The following GIGYF2 variants were observed in gnomAD, a reference collection of about 807,000 sequenced individuals.
GIGYF2 encodes the protein GRB10-interacting GYF protein 2.
Under a neutral mutation model 208.1 loss-of-function variants are expected in GIGYF2, and 25 were observed. The ratio of observed to expected loss-of-function variants is 0.12; its 90% CI spans 0.09 to 0.17. The LOEUF is 0.17. Ranked by LOEUF, GIGYF2 falls within the 10% of genes least tolerant of loss-of-function variation. The pLI, the probability that GIGYF2 is intolerant of heterozygous loss-of-function variation, is 1.00. For missense variants in GIGYF2, 1,302 were observed against 1,579.4 expected, an observed-to-expected ratio of 0.82 and a Z score of 2.98; for synonymous variants, 534 against 543.8, an observed-to-expected ratio of 0.98 and a Z score of 0.25.
Position 232,787,283 on chromosome 2 carries a change from A to G in GIGYF2, c.666A>G (p.Leu222=). ...NGEDEDGGWR[L]AGSRRDGERW... is the part of the protein sequence containing the mutation. ...AAGATGAAGATGGAGGTTGGCGACT[A>G]GCTGGATCAAGGAGGGATGGAGAGA... The change falls in exon 9 of 29, where the codon CTA becomes CTG. Residue 222 remains leucine (L), a synonymous_variant. Transcript: ENST00000373563. 1.2e-6 allele frequency: 2 copies of G among 1,614,162 alleles called. No individual in the cohort carries two copies. The highest frequency in any genetic ancestry group is 1.7e-6 in the Non-Finnish European group (2 of 1,180,010).
Position 232,812,107 on chromosome 2 carries a change from C to A in GIGYF2, c.2007-284C>A, listed in dbSNP as rs190719056. On this transcript the variant is annotated intron_variant, in intron 17 of 28. Transcript: ENST00000373563. Reference sequence around the variant, plus strand: ...TTTTTAAGATACGGATATACAGTATCTTTAAGATATACATATCTTTTAAGA... The same window carrying A: ...TTTTTAAGATACGGATATACAGTATATTTAAGATATACATATCTTTTAAGA... Among the ~76,000 whole-genome samples, 39 of 152,234 alleles carry A rather than the reference C, an allele frequency of 2.6e-4. No homozygotes were observed. In the East Asian group the frequency reaches 6.4e-3, roughly 25 times the overall value.
At chr2:232,738,483 G>C (rs1458088100) in intron 3 of GIGYF2, among the ~76,000 whole-genome samples, 1 of 151,852 alleles carries the variant, frequency 6.6e-6, no homozygotes, top group Non-Finnish European at 1.5e-5. Context: ...TTTTCTTCAT[G>C]TTGTGTATCA....
intron 2 of GIGYF2, among the ~76,000 whole-genome samples, chr2:232,708,647 C>T (rs909674971): frequency 2.9e-5 from 4 of 137,964 alleles, no homozygotes; most frequent in Admixed American, 7.6e-5. Context: ...CCAGCCTGGG[C>T]AACATGGCAA....
chr2:232,700,972 G>T (rs1045215182), intron 1 of GIGYF2, among the ~76,000 whole-genome samples: 1 of 152,024 alleles, frequency 6.6e-6, no homozygotes, highest in African/African-American at 2.4e-5. Flanking sequence ...AGTTAGCATT[G>T]CAGTGTTTCT....
chr2:232,730,305 A>G (rs796963570), intron 2 of GIGYF2: 18 of 585,382 alleles, frequency 3.1e-5, no homozygotes, highest in African/African-American at 2.5e-4. Context: ...AGAGTTCTTC[A>G]GAAATCTTTA....
At chr2:232,743,574 C>T (rs370411920) in intron 3 of GIGYF2, among the ~76,000 whole-genome samples, 2 of 152,120 alleles carry the variant, frequency 1.3e-5, no homozygotes, top group Non-Finnish European at 2.9e-5. Flanking sequence ...CCTTCCACCC[C>T]CAAGTAGACC....
At chr2:232,846,865 T>C (rs978498928) in intron 26 of GIGYF2, among the ~76,000 whole-genome samples, 2 of 152,244 alleles carry the variant, frequency 1.3e-5, no homozygotes, top group African/African-American at 2.4e-5. Context: ...TTTAAACCCA[T>C]GTTTGTCTAA....
intron 14 of GIGYF2, among the ~76,000 whole-genome samples, chr2:232,799,272 G>A (rs1320784349): frequency 1.3e-5 from 2 of 151,964 alleles, no homozygotes; most frequent in African/African-American, 4.8e-5. Flanking sequence ...GGCCAGGTGT[G>A]GTGGTTCACG....
In GIGYF2 at chr2:232,856,866, TGCCAGTGGACTG is replaced by T. The variant is rs745342146; in HGVS notation, c.*11_*22del. On this transcript the variant is annotated 3_prime_UTR_variant, in exon 29 of 29. Transcript: ENST00000373563. Reference sequence around the variant, plus strand: ...AGACGTTGGATGACTACTGAGCACCTGCCAGTGGACTGGCCATCCCTCTCCTGTCTGCCGACT... The same window carrying T: ...AGACGTTGGATGACTACTGAGCACCTGCCATCCCTCTCCTGTCTGCCGACT... 8.2e-6 allele frequency: 13 copies of T among 1,593,586 alleles called. No homozygotes were observed. Among genetic ancestry groups the T allele is most frequent in the African/African-American group, 8.0e-5 (6 of 74,576 alleles).
intron 2 of GIGYF2, chr2:232,731,072 A>G (rs951818156): frequency 6.6e-6 from 1 of 152,152 alleles, no homozygotes; most frequent in Non-Finnish European, 1.5e-5. Context: ...TATAGGTGCA[A>G]TGATAAAGTG....
chr2:232,768,069 A>G (rs1699047566), intron 8 of GIGYF2: 1 of 934,166 alleles, frequency 1.1e-6, no homozygotes, highest in Non-Finnish European at 1.7e-6. Context: ...AGGCATAGGC[A>G]TGATTACCGT....
intron 6 of GIGYF2, 51 bp from the exon 7 acceptor site, chr2:232,760,429 T>C: frequency 8.9e-7 from 1 of 1,125,238 alleles, no homozygotes; most frequent in Non-Finnish European, 1.4e-6. Context: ...GGTGAATGTG[T>C]GCCACATGTT....
intron 3 of GIGYF2, among the ~76,000 whole-genome samples, chr2:232,746,346 T>C (rs928077311): frequency 6.6e-6 from 1 of 152,190 alleles, no homozygotes; most frequent in African/African-American, 2.4e-5. Flanking sequence ...ATATTTAATG[T>C]GTCATAATTT....
At chr2:232,830,695 G>A (rs909985771) in intron 21 of GIGYF2, among the ~76,000 whole-genome samples, 4 of 151,856 alleles carry the variant, frequency 2.6e-5, no homozygotes, top group Non-Finnish European at 5.9e-5. Context: ...TCAGAATATC[G>A]TATTAGCTGG....
intron 8 of GIGYF2, among the ~76,000 whole-genome samples, chr2:232,761,941 G>A (rs1698755740): frequency 6.7e-6 from 1 of 149,194 alleles, no homozygotes; most frequent in Admixed American, 6.7e-5. Context: ...ACATAATAAA[G>A]GAACAGGATT....
chr2:232,714,040 C>G (rs759983261), intron 2 of GIGYF2, among the ~76,000 whole-genome samples: 22 of 151,680 alleles, frequency 1.5e-4, no homozygotes, highest in Middle Eastern at 3.4e-3. Context: ...AGCTACGCTT[C>G]CCGGGTTCAT....
chr2:232,723,438 T>C (rs1574797236), intron 2 of GIGYF2, among the ~76,000 whole-genome samples: 3 of 149,874 alleles, frequency 2.0e-5, no homozygotes, highest in Admixed American at 2.0e-4. Flanking sequence ...TTTTCTTTTT[T>C]TTTTTTTTTT....
At chr2:232,826,444 C>T (rs543473338) in intron 21 of GIGYF2, among the ~76,000 whole-genome samples, 1 of 152,200 alleles carries the variant, frequency 6.6e-6, no homozygotes, top group African/African-American at 2.4e-5. Context: ...TTGCATTTCT[C>T]TGATGACCAG....
chr2:232,710,728 C>T (rs1318757639), intron 2 of GIGYF2, among the ~76,000 whole-genome samples: 5 of 113,618 alleles, frequency 4.4e-5, no homozygotes, highest in African/African-American at 1.0e-4. Context: ...GATGGAATTT[C>T]GCTCTTGTTT....
Sources: allele counts gnomAD v4.1 joint callset (sites outside exome capture counted in the v4.1 genomes callset), GRCh38; gene constraint gnomAD v4.1.1; transcripts MANE v1.5; gene names NCBI Gene and HGNC (gene_info 2026-07-23, HGNC 2026-07-21).